FBN2: variants seen among roughly 807,000 people sequenced by gnomAD.
FBN2 encodes fibrillin-2.
A neutral mutation model predicts 355.6 loss-of-function variants in FBN2; 105 were observed. That is an observed-to-expected ratio of 0.30 (90% CI 0.25 to 0.35). The LOEUF (loss-of-function observed/expected upper bound fraction) is 0.35, where lower values mean the gene tolerates loss of function less well. Ranked by LOEUF, FBN2 falls within the 10% of genes least tolerant of loss-of-function variation. The probability of loss-of-function intolerance (pLI) is 1.00; values close to 1 mark genes in which losing one functional copy is unlikely to be tolerated. For synonymous variants in FBN2, 1,350 were observed against 1,301.2 expected (o/e 1.04, Z -0.81); for missense variants, 3,280 against 3,758.7 (o/e 0.87, Z 3.33).
intron 5 of FBN2, among the ~76,000 whole-genome samples, chr5:128,499,110 G>A (rs1344788028): frequency 6.6e-6 from 1 of 152,118 alleles, no homozygotes; most frequent in Admixed American, 6.5e-5. Context: ...GAGAGATGGA[G>A]AAAACCTTAA....
intron 7 of FBN2, among the ~76,000 whole-genome samples, chr5:128,410,428 TA>T (rs1161466762): frequency 6.6e-6 from 1 of 152,138 alleles, no homozygotes; most frequent in East Asian, 1.9e-4. Context: ...GGATACAAGG[TA>T]AAGCAAGCAT....
Position 128,334,727 on chromosome 5 carries a change from C to A in FBN2, c.4091G>T (p.Gly1364Val). The stretch of plus-strand genomic sequence containing the variant: ...ACAAGCTTGAAACCTACCTGTACAT[C>A]CTGTGGTCCCCTTCTTCACTGAGTA... ...LGYSVKKGTT[G>V]CTDVDECEIG... The change falls in exon 31 of 65, where the codon GGA (glycine) becomes GTA (valine). Residue 1364 changes from glycine to valine, a missense_variant. Transcript: ENST00000262464. 6.2e-7 allele frequency: 1 copy of A among 1,614,184 alleles called. No individual in the cohort carries two copies. Among genetic ancestry groups the A allele is most frequent in the Non-Finnish European group, 8.5e-7 (1 of 1,180,010 alleles).
intron 5 of FBN2, among the ~76,000 whole-genome samples, chr5:128,467,962 G>A (rs77240923): frequency 5.5e-4 from 83 of 152,246 alleles, no homozygotes; most frequent in East Asian, 4.0e-3. Context: ...ATAACTATAG[G>A]AAGGTGTAAT....
Position 128,267,474 on chromosome 5 carries a change from C to T in FBN2, c.7961-3818G>A, listed in dbSNP as rs761780074. ...GTTTTCCTATTTCTCCACAGTCTCA[C>T]CAGCATCTATTGTTTCTTGACTTTT... On this transcript the variant is annotated intron_variant, in intron 62 of 64. Coordinates refer to ENST00000262464, the MANE Select transcript of FBN2 (RefSeq NM_001999.4). Among the ~76,000 whole-genome samples the T allele has an allele frequency of 7.2e-5, 11 of 152,156 alleles. 1 individual carries two copies. The highest frequency in any genetic ancestry group is 3.9e-4 in the Admixed American group (6 of 15,280).
chr5:128,474,705 A>T (rs1754962481), intron 5 of FBN2, among the ~76,000 whole-genome samples: 1 of 152,188 alleles, frequency 6.6e-6, no homozygotes, highest in Admixed American at 6.5e-5. Flanking sequence ...CTACTGAGTC[A>T]ATCAAACTTA....
chr5:128,529,391 A>G (rs1416449130), intron 3 of FBN2, among the ~76,000 whole-genome samples: 1 of 152,210 alleles, frequency 6.6e-6, no homozygotes, highest in Non-Finnish European at 1.5e-5. Context: ...TTCAAAGAAA[A>G]TGAAAAACAA....
chr5:128,457,647 T>C (rs1754434811), intron 6 of FBN2, among the ~76,000 whole-genome samples: 1 of 152,134 alleles, frequency 6.6e-6, no homozygotes, highest in Non-Finnish European at 1.5e-5. Flanking sequence ...GGGTCCAATA[T>C]TCAACATTCT....
intron 55 of FBN2, among the ~76,000 whole-genome samples, chr5:128,285,809 A>G (rs982178420): frequency 2.6e-5 from 4 of 152,208 alleles, no homozygotes; most frequent in African/African-American, 9.6e-5. Context: ...ATAGTATAAT[A>G]TAAAATTCAG....
intron 4 of FBN2, 62 bp downstream of exon 4, chr5:128,527,810 T>C (rs1756600774): frequency 8.3e-7 from 1 of 1,208,804 alleles, no homozygotes; most frequent in Non-Finnish European, 1.2e-6. Context: ...AGACCTTAAA[T>C]TATAACTTAA....
At position 128,349,939 on chromosome 5, in the gene FBN2, G is replaced by A; in HGVS notation, c.2863+16C>T. On this transcript the variant is annotated intron_variant, in intron 22 of 64. Transcript: ENST00000262464. ...TCAAAAGATGTATAGTATCTTCCAA[G>A]GAAGGATACACTCACCTTCACACGT... 1 of 1,593,442 alleles carries A rather than the reference G, an allele frequency of 6.3e-7. No homozygotes were observed. Among genetic ancestry groups the A allele is most frequent in the Non-Finnish European group, 8.6e-7 (1 of 1,161,002 alleles).
At chr5:128,286,598 A>G in intron 55 of FBN2, 120 bp downstream of exon 55, 1 of 1,183,954 alleles carries the variant, frequency 8.4e-7, no homozygotes, top group East Asian at 2.4e-5. Flanking sequence ...TAGCTGTATC[A>G]CTGCCTTAAC....
intron 6 of FBN2, among the ~76,000 whole-genome samples, chr5:128,459,024 GA>G (rs1754484460): frequency 6.6e-6 from 1 of 151,820 alleles, no homozygotes; most frequent in Admixed American, 6.6e-5. Flanking sequence ...CTGGTGTTTT[GA>G]AAAAAATTAA....
At chr5:128,487,764 G>A (rs1755377803) in intron 5 of FBN2, among the ~76,000 whole-genome samples, 1 of 152,028 alleles carries the variant, frequency 6.6e-6, no homozygotes, top group African/African-American at 2.4e-5. Flanking sequence ...AAAACCCAAT[G>A]ATAAGAAAAA....
intron 23 of FBN2, among the ~76,000 whole-genome samples, chr5:128,346,027 A>G (rs466485): frequency 2.0e-4 from 31 of 152,338 alleles, no homozygotes; most frequent in African/African-American, 7.2e-4. Flanking sequence ...AGATCACTAC[A>G]AAAGAAAGTG....
At chr5:128,408,280 T>A (rs1752982700) in intron 8 of FBN2, among the ~76,000 whole-genome samples, 1 of 152,222 alleles carries the variant, frequency 6.6e-6, no homozygotes, top group African/African-American at 2.4e-5. Flanking sequence ...ATTAAAGGTG[T>A]CTTTTTTGTA....
chr5:128,320,232 T>TC (rs1750332208), intron 34 of FBN2, among the ~76,000 whole-genome samples: 1 of 152,140 alleles, frequency 6.6e-6, no homozygotes, highest in African/African-American at 2.4e-5. Context: ...TTTTTTTTTT[T>TC]TTCAGACAGG....
At chr5:128,261,303 G>A (rs1420315030) in intron 64 of FBN2, among the ~76,000 whole-genome samples, 1 of 152,064 alleles carries the variant, frequency 6.6e-6, no homozygotes, top group African/African-American at 2.4e-5. Flanking sequence ...TCTTAATGAA[G>A]GAACAACTGT....
intron 7 of FBN2, among the ~76,000 whole-genome samples, chr5:128,413,773 C>T (rs934319463): frequency 2.0e-5 from 3 of 148,160 alleles, no homozygotes; most frequent in African/African-American, 8.0e-5. Context: ...ACAAATAAAA[C>T]AAGAAATTTT....
At chr5:128,270,523 C>T (rs992633343) in intron 62 of FBN2, among the ~76,000 whole-genome samples, 6 of 151,976 alleles carry the variant, frequency 3.9e-5, no homozygotes, top group South Asian at 2.1e-4. Flanking sequence ...GGCGAGAGTC[C>T]GTCCTAAAAA....
Sources: allele counts gnomAD v4.1 joint callset (sites outside exome capture counted in the v4.1 genomes callset), GRCh38; gene constraint gnomAD v4.1.1; transcripts MANE v1.5; gene names NCBI Gene and HGNC (gene_info 2026-07-23, HGNC 2026-07-21).